FUT8: variants seen among roughly 807,000 people sequenced by gnomAD.
FUT8 encodes the protein alpha-(1,6)-fucosyltransferase.
Under a neutral mutation model 71.3 loss-of-function variants are expected in FUT8, and 29 were observed. The ratio of observed to expected loss-of-function variants is 0.41; its 90% CI spans 0.30 to 0.55. The LOEUF is 0.55. Ranked by LOEUF, FUT8 falls within the 20% of genes least tolerant of loss-of-function variation. The pLI, the probability that FUT8 is intolerant of heterozygous loss-of-function variation, is 0.34. For missense variants in FUT8, 544 were observed against 702.1 expected (o/e 0.77, Z 2.55); for synonymous variants, 254 against 239.3 (o/e 1.06, Z -0.57).
intron 3 of FUT8, among the ~76,000 whole-genome samples, chr14:65,601,274 G>A (rs574142482): frequency 6.4e-4 from 97 of 152,146 alleles, no homozygotes; most frequent in Non-Finnish European, 1.2e-3. Flanking sequence ...TAGTGGAACT[G>A]GCTTCTCCAT....
intron 1 of FUT8, among the ~76,000 whole-genome samples, chr14:65,434,085 A>G (rs757828681): frequency 2.6e-5 from 4 of 152,190 alleles, no homozygotes; most frequent in Non-Finnish European, 5.9e-5. Flanking sequence ...AGAATTTACT[A>G]TTTTTGTTTC....
chr14:65,500,675 A>G lies in FUT8; in HGVS notation c.-228+44957A>G, dbSNP rs369290401. On this transcript the variant is annotated intron_variant, in intron 2 of 10. Transcript: ENST00000673929. The stretch of plus-strand genomic sequence containing the variant: ...TTTCCTATCCCTTTTCATCATTTGT[A>G]TAGTCTTCTTTGGACTTTCCCTAAT... Among the ~76,000 whole-genome samples the G allele has an allele frequency of 1.5e-4, 23 of 152,196 alleles. 3 individuals carry two copies. Among genetic ancestry groups the G allele is most frequent in the African/African-American group, 5.1e-4 (21 of 41,532 alleles).
rs563718059 is a variant in FUT8 at position 65,548,869 on chromosome 14, A to C, written c.-227-12468A>C. ...ATGTTCAGAATATATAAAGAACTCA[A>C]GTCTCAGCAGTAAGAAAACAAGCAA... is the stretch of plus-strand genomic sequence containing the variant. On this transcript the variant is annotated intron_variant, in intron 2 of 10. Transcript: ENST00000673929. Among the ~76,000 whole-genome samples the C allele has an allele frequency of 1.1e-4, 16 of 152,326 alleles. No individual in the cohort carries two copies. The South Asian group carries it at 3.3e-3, about 32-fold the overall frequency.
chr14:65,444,659 C>T (rs755348671), intron 1 of FUT8, among the ~76,000 whole-genome samples: 5 of 152,120 alleles, frequency 3.3e-5, no homozygotes, highest in South Asian at 2.1e-4. Context: ...GGAGGAATCT[C>T]GAAGACATTA....
the FUT8 span, among the ~76,000 whole-genome samples, chr14:65,392,739 G>A: frequency 3.3e-5 from 5 of 152,168 alleles, no homozygotes; most frequent in Admixed American, 2.0e-4. Flanking sequence ...AGTGTTTTTG[G>A]TGGATTACGC....
At chr14:65,677,151 T>TGTGTGTGTGTGTGTGTGCGCGCGC in intron 7 of FUT8, among the ~76,000 whole-genome samples, 18 of 110,738 alleles carry the variant, frequency 1.6e-4, no homozygotes, top group Non-Finnish European at 3.1e-4. Context: ...TGTGTGTGTG[T>TGTGTGTGTGTGTGTGTGCGCGCGC]GCGCGCGCGC....
intron 3 of FUT8, among the ~76,000 whole-genome samples, chr14:65,602,003 T>A (rs186487677): frequency 2.6e-5 from 4 of 152,076 alleles, no homozygotes; most frequent in Admixed American, 2.6e-4. Flanking sequence ...TATCCGTAAG[T>A]TTTTGGAGGA....
intron 1 of FUT8, among the ~76,000 whole-genome samples, chr14:65,416,029 A>G (rs1473999467): frequency 6.6e-6 from 1 of 152,210 alleles, no homozygotes; most frequent in Admixed American, 6.5e-5. Context: ...TTTATTATCC[A>G]TAGCTCTTCA....
At chr14:65,554,152 C>T (rs79941628) in intron 2 of FUT8, among the ~76,000 whole-genome samples, 10 of 152,086 alleles carry the variant, frequency 6.6e-5, no homozygotes, top group Admixed American at 2.6e-4. Flanking sequence ...ATTTACCTCT[C>T]TTCAAGCTCA....
At chr14:65,633,822 G>C in intron 6 of FUT8, among the ~76,000 whole-genome samples, 1 of 152,196 alleles carries the variant, frequency 6.6e-6, no homozygotes, top group Non-Finnish European at 1.5e-5. Context: ...GTCTCCGCCC[G>C]GCAGCCACCC....
chr14:65,406,732 T>G (rs1275243021), upstream of FUT8, among the ~76,000 whole-genome samples: 1 of 152,156 alleles, frequency 6.6e-6, no homozygotes, highest in Non-Finnish European at 1.5e-5. Context: ...GAGACAGAGT[T>G]TCACCATGTT....
intron 3 of FUT8, among the ~76,000 whole-genome samples, chr14:65,575,998 T>TTATATAA (rs1365194327): frequency 6.6e-6 from 1 of 152,190 alleles, no homozygotes; most frequent in Non-Finnish European, 1.5e-5. Flanking sequence ...TGGCCGCAAG[T>TTATATAA]AAGTATAGCT....
intron 7 of FUT8, among the ~76,000 whole-genome samples, chr14:65,711,397 T>C (rs1041422163): frequency 5.9e-5 from 9 of 152,206 alleles, no homozygotes; most frequent in African/African-American, 2.2e-4. Context: ...GAAGAAGTTG[T>C]TAAAGGAAGG....
At chr14:65,421,422 C>T (rs1030137453) in intron 1 of FUT8, among the ~76,000 whole-genome samples, 4 of 152,008 alleles carry the variant, frequency 2.6e-5, no homozygotes, top group African/African-American at 4.8e-5. Flanking sequence ...TATGGCAATA[C>T]GTCATACTTC....
rs537247717 is a variant in FUT8, at chr14:65,505,381, C to T, written c.-228+49663C>T. On this transcript the variant is annotated intron_variant, in intron 2 of 10. Coordinates refer to ENST00000673929, the MANE Select transcript of FUT8 (RefSeq NM_001371533.1). ...AGGCTGGAGTGCAGTGGTGCAATCT[C>T]GGCTCACTGCAAGCTCCTCCTCCCA... 1.8e-4 allele frequency among the ~76,000 whole-genome samples: 26 copies of T among 140,844 alleles called. 1 individual carries two copies. Among genetic ancestry groups the T allele is most frequent in the Admixed American group, 1.3e-3 (18 of 13,452 alleles). The allele number at this position is 140,844 out of a possible 152,430, so 92.4% of individuals were successfully genotyped here. A position where few individuals can be genotyped will look rare whatever the true frequency, so the allele number is the denominator to read the frequency against.
intron 7 of FUT8, among the ~76,000 whole-genome samples, chr14:65,696,520 G>A (rs954306464): frequency 1.3e-5 from 2 of 152,036 alleles, no homozygotes; most frequent in Non-Finnish European, 2.9e-5. Context: ...ATTCTTAGGT[G>A]TAGTTTTATT....
chr14:65,726,028 A>G (rs1324782864), intron 9 of FUT8, among the ~76,000 whole-genome samples: 1 of 152,150 alleles, frequency 6.6e-6, no homozygotes, highest in African/African-American at 2.4e-5. Context: ...ACACACACAC[A>G]CTGAGATGTG....
intron 7 of FUT8, among the ~76,000 whole-genome samples, chr14:65,699,325 A>G (rs937749182): frequency 6.6e-6 from 1 of 151,700 alleles, no homozygotes; most frequent in Non-Finnish European, 1.5e-5. Flanking sequence ...GTGCTCTCCA[A>G]CTCTGGAGTC....
Position 65,652,197 on chromosome 14 carries a change from C to T in FUT8, c.598-17046C>T, listed in dbSNP as rs957658909. Among the ~76,000 whole-genome samples, 1 of 152,172 alleles carries T rather than the reference C, an allele frequency of 6.6e-6. No individual in the cohort carries two copies. Among genetic ancestry groups the T allele is most frequent in the African/African-American group, 2.4e-5 (1 of 41,440 alleles). On this transcript the variant is annotated intron_variant, in intron 6 of 10. Transcript: ENST00000673929. The surrounding 1 kb of genome is among the most constrained non-coding windows in gnomAD (Gnocchi z 4.0). Reference sequence around the variant, plus strand: ...CCAGATCTGCCAAGAAACCAAAAGACAGGATGAGAATCAACACTTTGTAAG... The same window carrying T: ...CCAGATCTGCCAAGAAACCAAAAGATAGGATGAGAATCAACACTTTGTAAG...
Sources: allele counts gnomAD v4.1 joint callset (sites outside exome capture counted in the v4.1 genomes callset), GRCh38; gene constraint gnomAD v4.1.1; non-coding constraint Gnocchi (gnomAD v3.1); transcripts MANE v1.5; gene names NCBI Gene and HGNC (gene_info 2026-07-23, HGNC 2026-07-21).